Variants in CD101 observed in about 807,000 individuals in gnomAD.
The protein encoded by CD101 is CD101 molecule, also known as immunoglobulin superfamily member 2.
Under a neutral mutation model 98.2 loss-of-function variants are expected in CD101, and 76 were observed. That is an observed-to-expected ratio of 0.77 (90% CI 0.64 to 0.94). The LOEUF is 0.94. CD101 is among the 40% of genes least tolerant of loss of function. CD101 has a pLI of 0.00. For missense variants in CD101, 1,145 were observed against 1,218.8 expected (o/e 0.94, Z 0.90); for synonymous variants, 471 against 472.7 (o/e 1.00, Z 0.05).
At chr1:117,008,822 G>A (rs891312610) in intron 1 of CD101, among the ~76,000 whole-genome samples, 17 of 152,000 alleles carry the variant, frequency 1.1e-4, no homozygotes, top group Non-Finnish European at 1.8e-4. Flanking sequence ...AACTCTGTTC[G>A]GTTAACTCCA....
At chr1:117,027,874 G>C (rs2101151908) in intron 8 of CD101, among the ~76,000 whole-genome samples, 1 of 152,070 alleles carries the variant, frequency 6.6e-6, no homozygotes, top group South Asian at 2.1e-4. Context: ...ACCTGACGTT[G>C]GGAGTTTGAG....
chr1:117,029,230 AAAG>A (rs1157073251), intron 8 of CD101, among the ~76,000 whole-genome samples: 23 of 53,804 alleles, frequency 4.3e-4, no homozygotes, highest in Non-Finnish European at 5.9e-4. Context: ...AGAAAGAAAG[AAAG>A]AAAGAAAGAA....
rs1652509418 is a variant in CD101, at chr1:117,006,072, C to T, written c.44-3778C>T. On this transcript the variant is annotated intron_variant, in intron 1 of 9. Transcript: ENST00000682167. The surrounding 1 kb of genome is among the most constrained non-coding windows in gnomAD (Gnocchi z 4.4). ...TTAAATGCATTATATTTTCACTCAC[C>T]CTTATACACACAACAGTAACTCTTC... Among the ~76,000 whole-genome samples, 1 of 151,870 alleles carries T rather than the reference C, an allele frequency of 6.6e-6. No individual in the cohort carries two copies. The highest frequency in any genetic ancestry group is 6.6e-5 in the Admixed American group (1 of 15,244).
In CD101 at chr1:117,033,951, C is replaced by G; in HGVS notation, c.2916C>G (p.Ile972Met). ...TCGTCCTGCTCCTCCTTCTGCTCAT[C>G]TCCCTCCTCTGCTTATACTGGAAGG... ...CPFVLLLLLL[I>M]SLLCLYWKAR... The change falls in exon 9 of 10, where the codon ATC becomes ATG. Residue 972 changes from isoleucine (I) to methionine (M), a missense_variant. Ile to Met is a conservative substitution (Grantham distance 10). Coordinates refer to ENST00000682167, the MANE Select transcript of CD101 (RefSeq NM_001256106.3). This position sits in a 1 kb window ranked among gnomAD's most constrained non-coding sequence, Gnocchi z 4.8. 6.2e-7 allele frequency: 1 copy of G among 1,614,212 alleles called. No individual in the cohort carries two copies. The highest frequency in any genetic ancestry group is 2.2e-5 in the East Asian group (1 of 44,888).
rs569732141 is a variant in CD101, at chr1:117,008,462, C to CA, written c.44-1375dup. On this transcript the variant is annotated intron_variant, in intron 1 of 9. Transcript: ENST00000682167. ...CCTGGGTGACAGAGCAAGACCGTGT[C>CA]AAAAAAAAAAAAATTATTACTAGAA... Among the ~76,000 whole-genome samples, 953 of 139,794 alleles carry CA rather than the reference C, an allele frequency of 6.8e-3. 7 individuals carry two copies. The highest frequency in any genetic ancestry group is 0.018 in the African/African-American group (676 of 37,968). 91.7% of individuals were successfully genotyped at this position (139,794 alleles called of 152,430 possible). A position where few individuals can be genotyped will look rare whatever the true frequency, so the allele number is the denominator to read the frequency against.
chr1:117,003,714 A>T (rs1458338654), intron 1 of CD101, among the ~76,000 whole-genome samples: 1 of 152,248 alleles, frequency 6.6e-6, no homozygotes, highest in Non-Finnish European at 1.5e-5. Flanking sequence ...AAAAAGGGGA[A>T]GCTGGAAGCT....
In CD101 at chr1:117,017,118, C is replaced by T; in HGVS notation, c.1257C>T (p.Asn419=). 4 of 1,614,042 alleles carry T rather than the reference C, an allele frequency of 2.5e-6. No individual in the cohort carries two copies. Among genetic ancestry groups the T allele is most frequent in the Non-Finnish European group, 3.4e-6 (4 of 1,179,928 alleles). ...GAAGTGTGGTCATGTCTACCAAGAA[C>T]AAGCAGCAAGTTGTGTGGGAAGGAG... The part of the protein sequence containing the change: ...AARSVVMSTK[N]KQQVVWEGET... Residue 419 remains asparagine, a synonymous_variant, in exon 5 of 10, where the codon AAC becomes AAT. Coordinates refer to ENST00000682167, the MANE Select transcript of CD101 (RefSeq NM_001256106.3).
At position 117,010,482 on chromosome 1, in the gene CD101, C is replaced by T. The variant is rs1257214832; in HGVS notation, c.424+252C>T. Among the ~76,000 whole-genome samples the T allele has an allele frequency of 6.6e-6, 1 of 152,132 alleles. No homozygotes were observed. Among genetic ancestry groups the T allele is most frequent in the Non-Finnish European group, 1.5e-5 (1 of 68,020 alleles). On this transcript the variant is annotated intron_variant, in intron 2 of 9. Coordinates refer to ENST00000682167, the MANE Select transcript of CD101 (RefSeq NM_001256106.3). This position sits in a 1 kb window ranked among gnomAD's most constrained non-coding sequence, Gnocchi z 5.2. Reference sequence around the variant, plus strand: ...TGTGTGGTTTTCCCAAGGCCTTGTCCGCAGCTCTCCATAGGTTGCTAGTAG... The same window carrying T: ...TGTGTGGTTTTCCCAAGGCCTTGTCTGCAGCTCTCCATAGGTTGCTAGTAG...
chr1:117,021,887 T>C lies in CD101; in HGVS notation c.2332T>C (p.Cys778Arg). 1 of 1,614,206 alleles carries C rather than the reference T, an allele frequency of 6.2e-7. No individual in the cohort carries two copies. The highest frequency in any genetic ancestry group is 8.5e-7 in the Non-Finnish European group (1 of 1,180,038). Residue 778 changes from cysteine (C) to arginine (R), a missense_variant, in exon 7 of 10, where the codon TGT (cysteine) becomes CGT (arginine). Coordinates refer to ENST00000682167, the MANE Select transcript of CD101 (RefSeq NM_001256106.3). The surrounding 1 kb of genome is among the most constrained non-coding windows in gnomAD (Gnocchi z 4.7). The part of the protein sequence containing the change: ...VEDSDRGKYH[C>R]AVEEWLLSTN... Reference sequence around the variant, plus strand: ...AGACAGCGATCGGGGCAAATATCACTGTGCTGTGGAGGAATGGCTCCTGTC... The same window carrying C: ...AGACAGCGATCGGGGCAAATATCACCGTGCTGTGGAGGAATGGCTCCTGTC...
At position 117,023,237 on chromosome 1, in the gene CD101, A is replaced by C. The variant is rs968225251; in HGVS notation, c.2428+1254A>C. Among the ~76,000 whole-genome samples the C allele has an allele frequency of 6.6e-6, 1 of 152,164 alleles. No individual in the cohort carries two copies. The highest frequency in any genetic ancestry group is 2.4e-5 in the African/African-American group (1 of 41,442). The stretch of plus-strand genomic sequence containing the variant: ...TTGGCATTCTGTCTCCCAGTCATCC[A>C]CACCAAACTCTTGACCACATGTGCA... On this transcript the variant is annotated intron_variant, in intron 7 of 9. Transcript: ENST00000682167. The surrounding 1 kb of genome is among the most constrained non-coding windows in gnomAD (Gnocchi z 4.4).
Position 117,018,571 on chromosome 1 carries a change from C to A in CD101, c.2017+11C>A. ...CCGTCACTTTACCAGGTAAGTGTGA[C>A]TTGAAATTAATCCCTGTTTTAAAAA... On this transcript the variant is annotated intron_variant, in intron 6 of 9. Transcript: ENST00000682167. This position sits in a 1 kb window ranked among gnomAD's most constrained non-coding sequence, Gnocchi z 4.3. The A allele has an allele frequency of 6.4e-7, 1 of 1,554,508 alleles. No homozygotes were observed. Among genetic ancestry groups the A allele is most frequent in the Non-Finnish European group, 8.7e-7 (1 of 1,149,950 alleles).
In CD101 at chr1:117,018,792, T is replaced by G. The variant is rs1388127518; in HGVS notation, c.2017+232T>G. On this transcript the variant is annotated intron_variant, in intron 6 of 9. Transcript: ENST00000682167. This position sits in a 1 kb window ranked among gnomAD's most constrained non-coding sequence, Gnocchi z 4.3. ...CTTCCATGCTGGCTAATTGCTGCTC[T>G]CTACCCATTCCCCATTTTCCCCTAA... is the stretch of plus-strand genomic sequence containing the variant. Among the ~76,000 whole-genome samples the G allele has an allele frequency of 1.3e-5, 2 of 152,328 alleles. No homozygotes were observed. Among genetic ancestry groups the G allele is most frequent in the South Asian group, 4.1e-4 (2 of 4,830 alleles).
intron 1 of CD101, among the ~76,000 whole-genome samples, chr1:117,008,001 A>G (rs2764850): frequency 0.57 from 87,240 of 152,010 alleles, 25,289 homozygotes; most frequent in East Asian, 0.67. Context: ...CTCTAAGACG[A>G]CATTACTGAA....
chr1:117,031,011 C>T (rs1228234428), intron 8 of CD101, among the ~76,000 whole-genome samples: 1 of 152,210 alleles, frequency 6.6e-6, no homozygotes. Context: ...TGGGCACTTA[C>T]TTAGATTGAT....
At position 117,023,592 on chromosome 1, in the gene CD101, A is replaced by G. The variant is rs1447637338; in HGVS notation, c.2428+1609A>G. Reference sequence around the variant, plus strand: ...CCACCATGCCTGGCTAATTTTTGTAATTTTAGTAGAGACAGGGTTTTACCA... The same window carrying G: ...CCACCATGCCTGGCTAATTTTTGTAGTTTTAGTAGAGACAGGGTTTTACCA... On this transcript the variant is annotated intron_variant, in intron 7 of 9. Coordinates refer to ENST00000682167, the MANE Select transcript of CD101 (RefSeq NM_001256106.3). The surrounding 1 kb of genome is among the most constrained non-coding windows in gnomAD (Gnocchi z 4.4). 6.6e-6 allele frequency among the ~76,000 whole-genome samples: 1 copy of G among 151,556 alleles called. No homozygotes were observed. The highest frequency in any genetic ancestry group is 2.4e-5 in the African/African-American group (1 of 41,236).
chr1:117,010,672 G>GCGATAGTCC lies in CD101; in HGVS notation c.424+442_424+443insCGATAGTCC, dbSNP rs1360918886. Among the ~76,000 whole-genome samples, 1 of 152,210 alleles carries GCGATAGTCC rather than the reference G, an allele frequency of 6.6e-6. No homozygotes were observed. The highest frequency in any genetic ancestry group is 2.4e-5 in the African/African-American group (1 of 41,460). ...TAGCATATTTACACATTGGGAAAGGGTGATAGTCCTTGCAATTGTCACTTT... is the reference window on the plus strand; with the variant it reads ...TAGCATATTTACACATTGGGAAAGGGCGATAGTCCTGATAGTCCTTGCAATTGTCACTTT... On this transcript the variant is annotated intron_variant, in intron 2 of 9. Coordinates refer to ENST00000682167, the MANE Select transcript of CD101 (RefSeq NM_001256106.3). This position sits in a 1 kb window ranked among gnomAD's most constrained non-coding sequence, Gnocchi z 5.2.
At chr1:117,017,504 CTG>C in intron 5 of CD101, 31 bp downstream of exon 5, 8 of 1,568,382 alleles carry the variant, frequency 5.1e-6, no homozygotes, top group Non-Finnish European at 6.9e-6. Flanking sequence ...TTTTCTGCAC[CTG>C]TATATCACTC....
At chr1:117,015,622 A>G (rs897164479) in intron 4 of CD101, among the ~76,000 whole-genome samples, 1 of 152,220 alleles carries the variant, frequency 6.6e-6, no homozygotes. Context: ...TTTAGATCCT[A>G]TTTAGATTTC....
rs960792376 is a variant in CD101, at chr1:117,012,215, A to G, written c.841+249A>G. On this transcript the variant is annotated intron_variant, in intron 3 of 9. Coordinates refer to ENST00000682167, the MANE Select transcript of CD101 (RefSeq NM_001256106.3). The surrounding 1 kb of genome is among the most constrained non-coding windows in gnomAD (Gnocchi z 4.0). Reference sequence around the variant, plus strand: ...GCTAGATCGATTCCACAAGCCAGTCATGGAAGTAGTTTTGTTACCATTTTT... The same window carrying G: ...GCTAGATCGATTCCACAAGCCAGTCGTGGAAGTAGTTTTGTTACCATTTTT... Among the ~76,000 whole-genome samples, 2 of 152,250 alleles carry G rather than the reference A, an allele frequency of 1.3e-5. No individual in the cohort carries two copies. The highest frequency in any genetic ancestry group is 2.9e-5 in the Non-Finnish European group (2 of 68,046).
Sources: gnomAD v4.1 joint callset for allele counts (sites outside exome capture counted in the v4.1 genomes callset) on GRCh38, gnomAD v4.1.1 for gene constraint, Gnocchi (gnomAD v3.1) non-coding constraint, MANE v1.5 for transcripts, NCBI Gene and HGNC (gene_info 2026-07-23, HGNC 2026-07-21) for gene names.